GRID1: variants seen among roughly 807,000 people sequenced by gnomAD.
GRID1 encodes glutamate receptor ionotropic, delta-1.
Under a neutral mutation model 98.0 loss-of-function variants are expected in GRID1, and 28 were observed. The observed-to-expected ratio is 0.29, with a 90% confidence interval of 0.21 to 0.39. The LOEUF (loss-of-function observed/expected upper bound fraction) is 0.39. Ranked by LOEUF, GRID1 falls within the 10% of genes least tolerant of loss-of-function variation. The pLI is 1.00. For synonymous variants in GRID1, 553 were observed against 538.5 expected (o/e 1.03, Z -0.37); for missense variants, 1,111 against 1,340.5 (o/e 0.83, Z 2.67).
chr10:85,701,393 G>A (rs57855842), intron 12 of GRID1, among the ~76,000 whole-genome samples: 4,579 of 151,936 alleles, frequency 0.03, 206 homozygotes, highest in African/African-American at 0.1. Flanking sequence ...AAAAAAAAAG[G>A]TTACAAAAAG....
chr10:86,031,517 T>C (rs938194452), intron 4 of GRID1, among the ~76,000 whole-genome samples: 1 of 152,072 alleles, frequency 6.6e-6, no homozygotes, highest in African/African-American at 2.4e-5. Context: ...TGATGAAATA[T>C]ACCCACATAA....
At chr10:86,021,393 A>T (rs569400362) in intron 4 of GRID1, among the ~76,000 whole-genome samples, 2 of 152,238 alleles carry the variant, frequency 1.3e-5, no homozygotes, top group East Asian at 3.9e-4. Flanking sequence ...GGATTAATTG[A>T]ACAGATTTCT....
At chr10:86,092,669 T>C (rs1844166552) in intron 4 of GRID1, among the ~76,000 whole-genome samples, 1 of 152,174 alleles carries the variant, frequency 6.6e-6, no homozygotes, top group South Asian at 2.1e-4. Flanking sequence ...AAAGGCCTTG[T>C]CCAATGGGAA....
chr10:85,689,838 G>A (rs1279711436), intron 12 of GRID1, among the ~76,000 whole-genome samples: 2 of 152,182 alleles, frequency 1.3e-5, no homozygotes, highest in African/African-American at 4.8e-5. Context: ...AATTCTACCA[G>A]TCAAGTTATT....
rs145390826 is a variant in GRID1, at chr10:85,730,090, C to T, written c.1234-476G>A. On this transcript the variant is annotated intron_variant, in intron 8 of 15. Coordinates refer to ENST00000327946, the MANE Select transcript of GRID1 (RefSeq NM_017551.3). ...CAAGTGTACAGCTTGTCTTGCACCC[C>T]GGTGCCTATGGCAAGCAGGGTCAAG... 1.0e-3 allele frequency among the ~76,000 whole-genome samples: 155 copies of T among 152,326 alleles called. 1 individual carries two copies. The highest frequency in any genetic ancestry group is 3.5e-3 in the African/African-American group (146 of 41,568).
At chr10:86,286,498 G>A (rs559303366) in intron 2 of GRID1, among the ~76,000 whole-genome samples, 11 of 152,270 alleles carry the variant, frequency 7.2e-5, no homozygotes, top group South Asian at 2.1e-4. Context: ...AATTCCCTGC[G>A]TCCTCCCACG....
chr10:86,059,011 G>C (rs1007766441), intron 4 of GRID1, among the ~76,000 whole-genome samples: 1 of 152,214 alleles, frequency 6.6e-6, no homozygotes, highest in Non-Finnish European at 1.5e-5. Context: ...CTCATCTAGG[G>C]ACCAGAGGAA....
intron 2 of GRID1, among the ~76,000 whole-genome samples, chr10:86,303,734 C>T (rs1847721560): frequency 6.6e-6 from 1 of 152,210 alleles, no homozygotes; most frequent in South Asian, 2.1e-4. Flanking sequence ...ACCAGCAGCT[C>T]ACCCAGTTGC....
At chr10:85,962,139 C>G (rs1448351943) in intron 4 of GRID1, among the ~76,000 whole-genome samples, 1 of 152,180 alleles carries the variant, frequency 6.6e-6, no homozygotes, top group Non-Finnish European at 1.5e-5. Flanking sequence ...GGCCTCCTCA[C>G]TGGTCTGGGT....
intron 3 of GRID1, among the ~76,000 whole-genome samples, chr10:86,175,139 G>C (rs566195525): frequency 6.6e-6 from 1 of 152,310 alleles, no homozygotes; most frequent in South Asian, 2.1e-4. Flanking sequence ...CTATAAAGAT[G>C]TGTGTGAATA....
At chr10:85,924,682 A>G (rs1226668004) in intron 4 of GRID1, among the ~76,000 whole-genome samples, 2 of 152,250 alleles carry the variant, frequency 1.3e-5, no homozygotes, top group Non-Finnish European at 2.9e-5. Flanking sequence ...CAGATCTCTG[A>G]AAAACTATTA....
At chr10:86,011,842 A>G (rs558297260) in intron 4 of GRID1, among the ~76,000 whole-genome samples, 6 of 152,332 alleles carry the variant, frequency 3.9e-5, no homozygotes, top group Non-Finnish European at 7.3e-5. Context: ...GAAACAGTCC[A>G]AAGACCAAAA....
intron 5 of GRID1, among the ~76,000 whole-genome samples, chr10:85,886,636 A>G (rs1841121812): frequency 6.6e-6 from 1 of 152,218 alleles, no homozygotes; most frequent in African/African-American, 2.4e-5. Context: ...AAACAGAGAA[A>G]GAGTAACTGC....
chr10:86,202,290 G>A (rs1845964850), intron 3 of GRID1, among the ~76,000 whole-genome samples: 1 of 152,228 alleles, frequency 6.6e-6, no homozygotes, highest in Admixed American at 6.5e-5. Flanking sequence ...CAAAATACCT[G>A]GCATGCGGTA....
chr10:85,734,025 G>A (rs550506655), intron 8 of GRID1, among the ~76,000 whole-genome samples: 7 of 152,082 alleles, frequency 4.6e-5, no homozygotes, highest in African/African-American at 7.2e-5. Flanking sequence ...GCACTTGTAC[G>A]ACTCAAAACT....
chr10:85,932,914 C>G (rs1304818590), intron 4 of GRID1, among the ~76,000 whole-genome samples: 1 of 152,178 alleles, frequency 6.6e-6, no homozygotes. Context: ...GCCTGGAAAA[C>G]TAGCTGAGAA....
intron 4 of GRID1, among the ~76,000 whole-genome samples, chr10:86,031,778 CTTTGTACT>C (rs1843188972): frequency 6.6e-6 from 1 of 152,162 alleles, no homozygotes; most frequent in African/African-American, 2.4e-5. Flanking sequence ...AAGTACATTT[CTTTGTACT>C]TTTGTAATTT....
chr10:85,761,485 C>A (rs1359569575), intron 8 of GRID1, among the ~76,000 whole-genome samples: 2 of 152,216 alleles, frequency 1.3e-5, no homozygotes, highest in Non-Finnish European at 2.9e-5. Context: ...GACAAGGTCA[C>A]TGCTCTCACA....
At chr10:86,168,710 A>G (rs1218870653) in intron 3 of GRID1, among the ~76,000 whole-genome samples, 1 of 152,252 alleles carries the variant, frequency 6.6e-6, no homozygotes, top group Non-Finnish European at 1.5e-5. Context: ...CTTTGCACAC[A>G]GAGACACATA....
Sources: gnomAD v4.1 joint callset for allele counts (sites outside exome capture counted in the v4.1 genomes callset) on GRCh38, gnomAD v4.1.1 for gene constraint, MANE v1.5 for transcripts, NCBI Gene and HGNC (gene_info 2026-07-23, HGNC 2026-07-21) for gene names.